Variants in PPP2R5E observed in about 807,000 individuals in gnomAD.
The protein encoded by PPP2R5E is protein phosphatase 2 regulatory subunit B'epsilon.
PPP2R5E carries 4 observed loss-of-function variants against 65.3 expected under a neutral mutation model. The ratio of observed to expected loss-of-function variants is 0.06; its 90% CI spans 0.03 to 0.14. The LOEUF (loss-of-function observed/expected upper bound fraction) is 0.14. Ranked by LOEUF, PPP2R5E falls within the 10% of genes least tolerant of loss-of-function variation. The probability of loss-of-function intolerance (pLI) is 1.00; values close to 1 mark genes in which losing one functional copy is unlikely to be tolerated. For synonymous variants in PPP2R5E, 183 were observed against 187.4 expected (o/e 0.98, Z 0.19); for missense variants, 274 against 556.1 (o/e 0.49, Z 5.10).
chr14:63,406,618 A>C (rs1886109648), intron 5 of PPP2R5E, among the ~76,000 whole-genome samples: 1 of 152,198 alleles, frequency 6.6e-6, no homozygotes, highest in African/African-American at 2.4e-5. Context: ...TGGTCATACC[A>C]ACACTACTTA....
intron 8 of PPP2R5E, among the ~76,000 whole-genome samples, chr14:63,392,911 C>T (rs183644313): frequency 2.8e-3 from 420 of 152,218 alleles, no homozygotes; most frequent in Non-Finnish European, 4.0e-3. Context: ...TATCTACCCC[C>T]AGTGACATGG....
rs1191603099 is a variant in PPP2R5E, at chr14:63,426,699, CAAAA to C, written c.355-4609_355-4606del. 1.3e-4 allele frequency among the ~76,000 whole-genome samples: 7 copies of C among 54,838 alleles called. No individual in the cohort carries two copies. The East Asian group carries it at 2.6e-3, about 20-fold the overall frequency. 36.0% of individuals were successfully genotyped at this position (54,838 alleles called of 152,430 possible). On this transcript the variant is annotated intron_variant, in intron 3 of 13. Coordinates refer to ENST00000337537, the MANE Select transcript of PPP2R5E (RefSeq NM_006246.5). Reference sequence around the variant, plus strand: ...GCCTCCAGGAGTGCCAAAGGCTTATCAAAAAAAAAAAAAAAAAAAAAAAATCACA... The same window carrying C: ...GCCTCCAGGAGTGCCAAAGGCTTATCAAAAAAAAAAAAAAAAAAAATCACA...
intron 2 of PPP2R5E, among the ~76,000 whole-genome samples, chr14:63,470,231 C>T (rs1890046940): frequency 3.3e-5 from 5 of 152,086 alleles, no homozygotes; most frequent in Non-Finnish European, 5.9e-5. Context: ...ACCACCACAC[C>T]TAGCTAATTT....
chr14:63,406,183 G>A (rs1463043505), intron 5 of PPP2R5E, among the ~76,000 whole-genome samples: 5 of 151,984 alleles, frequency 3.3e-5, no homozygotes, highest in East Asian at 1.9e-4. Flanking sequence ...AGGCCGAGGC[G>A]GGCAGATCAC....
intron 2 of PPP2R5E, among the ~76,000 whole-genome samples, chr14:63,532,222 T>C (rs1893465447): frequency 6.6e-6 from 1 of 152,184 alleles, no homozygotes; most frequent in Admixed American, 6.5e-5. Flanking sequence ...TGGTTGCTTC[T>C]GGGAAGGGAA....
At chr14:63,417,413 T>C (rs149427490) in intron 4 of PPP2R5E, among the ~76,000 whole-genome samples, 1,765 of 150,730 alleles carry the variant, frequency 0.012, 48 homozygotes, top group African/African-American at 0.04. Flanking sequence ...AGACAAAATA[T>C]CCGCCAAATA....
At chr14:63,378,824 A>T (rs1884141050) in intron 13 of PPP2R5E, among the ~76,000 whole-genome samples, 1 of 152,210 alleles carries the variant, frequency 6.6e-6, no homozygotes, top group Admixed American at 6.5e-5. Flanking sequence ...GTAATACTTC[A>T]AAATTTGATC....
At chr14:63,522,208 G>A (rs1285727774) in intron 2 of PPP2R5E, among the ~76,000 whole-genome samples, 1 of 152,178 alleles carries the variant, frequency 6.6e-6, no homozygotes, top group Non-Finnish European at 1.5e-5. Context: ...GGCCTCCCGA[G>A]GTGCCGGGAT....
chr14:63,514,819 TA>T (rs540554117), intron 2 of PPP2R5E, among the ~76,000 whole-genome samples: 24 of 152,332 alleles, frequency 1.6e-4, no homozygotes, highest in African/African-American at 5.5e-4. Context: ...GCTGCTACTC[TA>T]GGCATTTCAC....
rs57388699 is a variant in PPP2R5E at position 63,444,626 on chromosome 14, A to T, written c.354+9063T>A. On this transcript the variant is annotated intron_variant, in intron 3 of 13. Coordinates refer to ENST00000337537, the MANE Select transcript of PPP2R5E (RefSeq NM_006246.5). ...TTTCGAGAAAAAAAAAAGATGTGCAAATATAAACAATATAAAATACACAGA... is the reference window on the plus strand; with the variant it reads ...TTTCGAGAAAAAAAAAAGATGTGCATATATAAACAATATAAAATACACAGA... Among the ~76,000 whole-genome samples the T allele has an allele frequency of 3.5e-3, 528 of 152,334 alleles. 2 individuals carry two copies. Among genetic ancestry groups the T allele is most frequent in the African/African-American group, 0.012 (499 of 41,588 alleles).
In PPP2R5E at chr14:63,527,879, G is replaced by A. The variant is rs192046068; in HGVS notation, c.157+11650C>T. Reference sequence around the variant, plus strand: ...GAACCCGGGAGGTGGAGGTTGCAATGAGCAGAGATCGCGTCACTGCACTCC... The same window carrying A: ...GAACCCGGGAGGTGGAGGTTGCAATAAGCAGAGATCGCGTCACTGCACTCC... On this transcript the variant is annotated intron_variant, in intron 2 of 13. Coordinates refer to ENST00000337537, the MANE Select transcript of PPP2R5E (RefSeq NM_006246.5). Among the ~76,000 whole-genome samples, 271 of 151,152 alleles carry A rather than the reference G, an allele frequency of 1.8e-3. 3 individuals carry two copies. Among genetic ancestry groups the A allele is most frequent in the Non-Finnish European group, 3.0e-3 (204 of 67,924 alleles).
intron 2 of PPP2R5E, among the ~76,000 whole-genome samples, chr14:63,471,822 T>C (rs572192819): frequency 3.1e-4 from 47 of 152,294 alleles, no homozygotes; most frequent in African/African-American, 1.1e-3. Flanking sequence ...TCATCTAATA[T>C]CTACAACGTA....
chr14:63,532,744 A>G (rs1893489761), intron 2 of PPP2R5E, among the ~76,000 whole-genome samples: 2 of 152,240 alleles, frequency 1.3e-5, no homozygotes, highest in Non-Finnish European at 2.9e-5. Context: ...GCTAGTGGTA[A>G]GCTAGGACTC....
At chr14:63,401,727 T>C (rs1460519315) in intron 5 of PPP2R5E, among the ~76,000 whole-genome samples, 2 of 151,810 alleles carry the variant, frequency 1.3e-5, no homozygotes, top group African/African-American at 4.8e-5. Flanking sequence ...GGAGAGAAAA[T>C]TTAGACTTAT....
At chr14:63,511,376 A>G (rs1892444967) in intron 2 of PPP2R5E, among the ~76,000 whole-genome samples, 1 of 152,206 alleles carries the variant, frequency 6.6e-6, no homozygotes, top group Non-Finnish European at 1.5e-5. Context: ...GCATCCCTGT[A>G]GCCCTTGCCA....
At chr14:63,395,157 G>C in intron 7 of PPP2R5E, 69 bp downstream of exon 7, 1 of 1,321,824 alleles carries the variant, frequency 7.6e-7, no homozygotes, top group Non-Finnish European at 1.1e-6. Flanking sequence ...AGCATCTCTT[G>C]GTGCCACCTG....
At chr14:63,512,043 C>T (rs1459559620) in intron 2 of PPP2R5E, among the ~76,000 whole-genome samples, 1 of 142,644 alleles carries the variant, frequency 7.0e-6, no homozygotes, top group African/African-American at 2.6e-5. Context: ...TGTGCCACTG[C>T]ACTCCAGCCT....
At chr14:63,513,289 C>G (rs986481889) in intron 2 of PPP2R5E, among the ~76,000 whole-genome samples, 1 of 152,128 alleles carries the variant, frequency 6.6e-6, no homozygotes, top group Non-Finnish European at 1.5e-5. Flanking sequence ...CACACTGCAT[C>G]GCCCTCAAGT....
chr14:63,381,168 T>C (rs919468036), intron 13 of PPP2R5E, among the ~76,000 whole-genome samples: 1 of 152,252 alleles, frequency 6.6e-6, no homozygotes, highest in Non-Finnish European at 1.5e-5. Context: ...AGATTTTTAC[T>C]AAGCCATAAG....
Sources: gnomAD v4.1 joint callset for allele counts (sites outside exome capture counted in the v4.1 genomes callset) on GRCh38, gnomAD v4.1.1 for gene constraint, MANE v1.5 for transcripts, NCBI Gene and HGNC (gene_info 2026-07-23, HGNC 2026-07-21) for gene names.